RP1: variants seen among roughly 807,000 people sequenced by gnomAD.
RP1 encodes oxygen-regulated protein 1.
In RP1, 16 loss-of-function variants were observed where a neutral mutation model predicts 14.8. The ratio of observed to expected loss-of-function variants is 1.08; its 90% confidence interval spans 0.73 to 1.65. The LOEUF (loss-of-function observed/expected upper bound fraction) is 1.65, where lower values mean the gene tolerates loss of function less well. Among genes scored for constraint, RP1 ranks in the 40% most tolerant of loss-of-function variants. The probability of loss-of-function intolerance (pLI) is 0.00; values close to 1 mark genes in which losing one functional copy is unlikely to be tolerated. For synonymous variants in RP1, 876 were observed against 883.6 expected (o/e 0.99, Z 0.15); for missense variants, 2,631 against 2,535.0 (o/e 1.04, Z -0.81).
intron 14 of RP1, among the ~76,000 whole-genome samples, chr8:54,704,857 CAT>C (rs140221086): frequency 0.029 from 4,433 of 152,198 alleles, 125 homozygotes; most frequent in African/African-American, 0.065. Flanking sequence ...CACACACACA[CAT>C]ATGTCTTTTT....
upstream of RP1, among the ~76,000 whole-genome samples, chr8:54,615,148 C>T (rs569457031): frequency 1.5e-4 from 23 of 152,214 alleles, no homozygotes; most frequent in African/African-American, 5.5e-4. Flanking sequence ...TACTGTTTCT[C>T]TTATCTACAC....
intron 1 of RP1, among the ~76,000 whole-genome samples, chr8:54,600,806 T>C (rs746459834): frequency 2.6e-5 from 4 of 152,210 alleles, no homozygotes; most frequent in African/African-American, 4.8e-5. Context: ...GTGACTTTCA[T>C]TGGAGCATTT....
intron 19 of RP1, among the ~76,000 whole-genome samples, chr8:54,750,828 C>T (rs572942125): frequency 2.8e-4 from 43 of 152,252 alleles, no homozygotes; most frequent in Admixed American, 5.9e-4. Context: ...GTCTGTAAAA[C>T]GCACCAATCA....
chr8:54,868,217 C>G (rs1358563695), intron 28 of RP1, among the ~76,000 whole-genome samples: 1 of 152,060 alleles, frequency 6.6e-6, no homozygotes, highest in African/African-American at 2.4e-5. Context: ...TGACTTATTT[C>G]TACATTTTAG....
At chr8:54,579,155 G>A (rs892344445) in intron 1 of RP1, among the ~76,000 whole-genome samples, 1 of 152,256 alleles carries the variant, frequency 6.6e-6, no homozygotes, top group Non-Finnish European at 1.5e-5. Context: ...AATCACCATA[G>A]TCTGTCTAGG....
At chr8:54,633,787 C>T (rs1036340731), downstream of RP1, among the ~76,000 whole-genome samples, 2 of 143,804 alleles carry the variant, frequency 1.4e-5, no homozygotes, top group African/African-American at 2.6e-5. Flanking sequence ...AACATTTAGT[C>T]ATATAGCCCT....
chr8:54,712,949 A>G (rs565950918), intron 15 of RP1, among the ~76,000 whole-genome samples: 1 of 152,230 alleles, frequency 6.6e-6, no homozygotes, highest in Non-Finnish European at 1.5e-5. Context: ...TTTAGAGGCT[A>G]TGGTAAGGCA....
chr8:54,798,828 A>T (rs1810634567), intron 24 of RP1, among the ~76,000 whole-genome samples: 1 of 152,164 alleles, frequency 6.6e-6, no homozygotes, highest in Non-Finnish European at 1.5e-5. Context: ...ACATACTTGT[A>T]CATCTATATT....
intron 25 of RP1, among the ~76,000 whole-genome samples, chr8:54,840,592 CAA>C (rs59468913): frequency 3.5e-3 from 442 of 127,436 alleles, no homozygotes; most frequent in Non-Finnish European, 4.5e-3. Flanking sequence ...TTGTTACATG[CAA>C]AAAAAAAAAA....
chr8:54,605,483 T>C (rs1296009515), intron 1 of RP1, among the ~76,000 whole-genome samples: 2 of 152,000 alleles, frequency 1.3e-5, no homozygotes, highest in Non-Finnish European at 2.9e-5. Flanking sequence ...TTGGAATAGG[T>C]GTAGTGTGGT....
At chr8:54,847,860 C>T (rs1259872904) in intron 25 of RP1, among the ~76,000 whole-genome samples, 1 of 152,178 alleles carries the variant, frequency 6.6e-6, no homozygotes, top group Non-Finnish European at 1.5e-5. Flanking sequence ...AGGGCTAGTC[C>T]CCGGAGCAGT....
chr8:54,723,345 C>T (rs781637638), intron 16 of RP1, among the ~76,000 whole-genome samples: 24 of 152,168 alleles, frequency 1.6e-4, no homozygotes, highest in Middle Eastern at 6.8e-3. Context: ...CAAGAGATTC[C>T]GTCTCATCAC....
chr8:54,703,428 A>G (rs1191580054), intron 14 of RP1, among the ~76,000 whole-genome samples: 1 of 152,190 alleles, frequency 6.6e-6, no homozygotes, highest in Admixed American at 6.5e-5. Context: ...TCTGAGCAGT[A>G]GGTCTCAACA....
At chr8:54,717,863 T>G (rs2129349436) in intron 15 of RP1, among the ~76,000 whole-genome samples, 1 of 152,174 alleles carries the variant, frequency 6.6e-6, no homozygotes, top group Middle Eastern at 3.4e-3. Flanking sequence ...ACAAAACAAT[T>G]TCAGAATCAG....
At chr8:54,689,261 G>A (rs1035691444) in intron 12 of RP1, among the ~76,000 whole-genome samples, 2 of 152,110 alleles carry the variant, frequency 1.3e-5, no homozygotes, top group African/African-American at 4.8e-5. Flanking sequence ...TCTGCAAACA[G>A]GGACAAATTG....
intron 19 of RP1, among the ~76,000 whole-genome samples, chr8:54,754,063 T>A (rs1363425866): frequency 6.6e-6 from 1 of 151,794 alleles, no homozygotes; most frequent in Non-Finnish European, 1.5e-5. Flanking sequence ...TGTTGGCATG[T>A]GAAGGGGAAG....
intron 25 of RP1, among the ~76,000 whole-genome samples, chr8:54,844,888 AAGG>A (rs1811877426): frequency 6.6e-6 from 1 of 152,124 alleles, no homozygotes; most frequent in East Asian, 1.9e-4. Flanking sequence ...ACTCTGTGTA[AAGG>A]AGATGAGGAG....
At chr8:54,634,004 G>C (rs191462976), downstream of RP1, among the ~76,000 whole-genome samples, 12 of 152,088 alleles carry the variant, frequency 7.9e-5, no homozygotes, top group Admixed American at 7.2e-4. Context: ...CTCATAAAAA[G>C]TCCTGAGTTT....
intron 1 of RP1, among the ~76,000 whole-genome samples, chr8:54,591,953 C>T (rs994192938): frequency 6.6e-6 from 1 of 152,136 alleles, no homozygotes; most frequent in African/African-American, 2.4e-5. Context: ...GCACAATGTC[C>T]CTTCTGCCTC....
Sources: allele counts gnomAD v4.1 joint callset (sites outside exome capture counted in the v4.1 genomes callset), GRCh38; gene constraint gnomAD v4.1.1; transcripts MANE v1.5; gene names NCBI Gene and HGNC (gene_info 2026-07-23, HGNC 2026-07-21).